Variants in EFCAB13 observed in about 807,000 individuals in gnomAD.
EFCAB13 encodes the protein EF-hand calcium-binding domain-containing protein 13.
Under a neutral mutation model 110.2 loss-of-function variants are expected in EFCAB13, and 91 were observed. That is an observed-to-expected ratio of 0.83 (90% confidence interval 0.70 to 0.98). The LOEUF is 0.98. Among genes scored for constraint, EFCAB13 ranks in the 50% least tolerant of loss-of-function variants. The pLI is 0.00. For missense variants in EFCAB13, 968 were observed against 1,119.4 expected, an observed-to-expected ratio of 0.86 and a Z score of 1.93; for synonymous variants, 323 against 369.9, an observed-to-expected ratio of 0.87 and a Z score of 1.45.
rs114996553 is a variant in EFCAB13 at position 47,378,984 on chromosome 17, T to G, written c.1511-198T>G. On this transcript the variant is annotated intron_variant, in intron 13 of 24. Coordinates refer to ENST00000331493, the MANE Select transcript of EFCAB13 (RefSeq NM_152347.5). ...GTATTCTCGGTGCCTAGCATGGTTCTTGGCACTAATATGCTCTCAATAATT... is the reference window on the plus strand; with the variant it reads ...GTATTCTCGGTGCCTAGCATGGTTCGTGGCACTAATATGCTCTCAATAATT... Among the ~76,000 whole-genome samples the G allele has an allele frequency of 6.4e-3, 981 of 152,308 alleles. 9 individuals are homozygous for G. Among genetic ancestry groups the G allele is most frequent in the African/African-American group, 0.019 (808 of 41,568 alleles).
intron 15 of EFCAB13, among the ~76,000 whole-genome samples, chr17:47,393,286 T>C (rs2143415495): frequency 6.6e-6 from 1 of 152,288 alleles, no homozygotes; most frequent in South Asian, 2.1e-4. Context: ...GTAAATATGG[T>C]GAAAGTGGTA....
intron 9 of EFCAB13, among the ~76,000 whole-genome samples, chr17:47,350,121 T>G (rs2065441414): frequency 6.6e-6 from 1 of 152,122 alleles, no homozygotes. Flanking sequence ...AAAGACTTCT[T>G]CAAAAGTATA....
intron 9 of EFCAB13, among the ~76,000 whole-genome samples, chr17:47,354,763 T>G (rs1390650120): frequency 6.6e-6 from 1 of 152,166 alleles, no homozygotes; most frequent in Non-Finnish European, 1.5e-5. Context: ...AGTGAGTCCT[T>G]AAGTGTCAAG....
chr17:47,348,022 A>G, intron 9 of EFCAB13, 71 bp downstream of exon 9: 3 of 1,206,940 alleles, frequency 2.5e-6, no homozygotes, highest in Non-Finnish European at 3.2e-6. Context: ...TTAATTACAA[A>G]TGATAGGAAA....
At chr17:47,334,897 A>G (rs2065340376) in intron 4 of EFCAB13, among the ~76,000 whole-genome samples, 1 of 152,210 alleles carries the variant, frequency 6.6e-6, no homozygotes, top group Non-Finnish European at 1.5e-5. Context: ...CTAGGCAACA[A>G]AAAGAGACCC....
At chr17:47,349,509 AT>A (rs1408931907) in intron 9 of EFCAB13, among the ~76,000 whole-genome samples, 1 of 152,014 alleles carries the variant, frequency 6.6e-6, no homozygotes, top group African/African-American at 2.4e-5. Context: ...CAATATGTAA[AT>A]TTTTTTCTGG....
intron 2 of EFCAB13, among the ~76,000 whole-genome samples, chr17:47,325,924 AT>A (rs1410551104): frequency 0.013 from 26 of 1,994 alleles, no homozygotes; most frequent in African/African-American, 0.016. Flanking sequence ...TATAAACAAA[AT>A]ATATATATAT....
intron 20 of EFCAB13, among the ~76,000 whole-genome samples, chr17:47,408,714 A>G (rs761775578): frequency 4.6e-5 from 7 of 152,070 alleles, no homozygotes; most frequent in Non-Finnish European, 8.8e-5. Flanking sequence ...CCCACCTCAC[A>G]CCAGAGAATA....
chr17:47,379,130 C>T (rs1307043970), intron 13 of EFCAB13, 52 bp from the exon 14 acceptor site: 1 of 1,403,240 alleles, frequency 7.1e-7, no homozygotes, highest in Non-Finnish European at 1.0e-6. Context: ...GTAAATTTGC[C>T]TTTATGCAAA....
In EFCAB13 at chr17:47,328,398, C is replaced by T. The variant is rs896970559; in HGVS notation, c.30+15C>T. The T allele has an allele frequency of 6.4e-7, 1 of 1,551,428 alleles. No individual in the cohort carries two copies. The highest frequency in any genetic ancestry group is 8.7e-7 in the Non-Finnish European group (1 of 1,144,806). Reference sequence around the variant, plus strand: ...TATTCTGCCAGGTATTTATTTAAAACAGTTTCTAAAGATTTCTTCTTTCTT... The same window carrying T: ...TATTCTGCCAGGTATTTATTTAAAATAGTTTCTAAAGATTTCTTCTTTCTT... On this transcript the variant is annotated intron_variant, in intron 4 of 24. Transcript: ENST00000331493.
rs527966723 is a variant in EFCAB13 at position 47,403,876 on chromosome 17, A to C, written c.2018-2A>C. 6.3e-7 allele frequency: 1 copy of C among 1,586,276 alleles called. No homozygotes were observed. Among genetic ancestry groups the C allele is most frequent in the East Asian group, 2.2e-5 (1 of 44,482 alleles). ...ATTAATTAACTTTTTTTCTATTTAT[A>C]GAGTTACAGGAAGTTGTCTTAGCTG... is the stretch of plus-strand genomic sequence containing the variant. On this transcript the variant is annotated splice_acceptor_variant, in intron 18 of 24. Coordinates refer to ENST00000331493, the MANE Select transcript of EFCAB13 (RefSeq NM_152347.5). LOFTEE classifies it high-confidence loss of function.
At chr17:47,417,767 C>T (rs377411378) in intron 23 of EFCAB13, among the ~76,000 whole-genome samples, 1 of 152,180 alleles carries the variant, frequency 6.6e-6, no homozygotes, top group Non-Finnish European at 1.5e-5. Flanking sequence ...TGCACAACAT[C>T]TGGACACAGC....
At chr17:47,407,283 G>A (rs1269544882) in intron 20 of EFCAB13, among the ~76,000 whole-genome samples, 1 of 152,146 alleles carries the variant, frequency 6.6e-6, no homozygotes, top group Non-Finnish European at 1.5e-5. Context: ...AAAGAAAAGG[G>A]TTATTTTTAA....
At chr17:47,368,140 TA>T (rs944258698) in intron 10 of EFCAB13, among the ~76,000 whole-genome samples, 1 of 151,990 alleles carries the variant, frequency 6.6e-6, no homozygotes, top group Admixed American at 6.6e-5. Context: ...TACTTTGGTT[TA>T]AAAAAAATAG....
chr17:47,326,827 T>G (rs1196954987), intron 3 of EFCAB13, among the ~76,000 whole-genome samples: 1 of 152,198 alleles, frequency 6.6e-6, no homozygotes, highest in Non-Finnish European at 1.5e-5. Flanking sequence ...TTTAACATAT[T>G]TTGAATTCCA....
intron 18 of EFCAB13, 150 bp from the exon 19 acceptor site, chr17:47,403,728 C>A: frequency 1.6e-6 from 1 of 607,232 alleles, no homozygotes; most frequent in Non-Finnish European, 2.5e-6. Flanking sequence ...CATTGTGCTG[C>A]TGGCCATAGA....
intron 23 of EFCAB13, among the ~76,000 whole-genome samples, chr17:47,420,482 C>T (rs1208227280): frequency 7.3e-6 from 1 of 136,138 alleles, no homozygotes; most frequent in African/African-American, 2.7e-5. Context: ...GCCCGGCCGC[C>T]ATCCCATCTA....
chr17:47,337,968 G>A (rs926696083), intron 5 of EFCAB13, among the ~76,000 whole-genome samples: 4 of 152,200 alleles, frequency 2.6e-5, no homozygotes, highest in African/African-American at 9.6e-5. Context: ...GGGGATGTGA[G>A]ACAGTGACTC....
At chr17:47,415,658 C>G (rs1345550385) in intron 23 of EFCAB13, among the ~76,000 whole-genome samples, 2 of 152,098 alleles carry the variant, frequency 1.3e-5, no homozygotes, top group Admixed American at 1.3e-4. Flanking sequence ...GATGAGGGAC[C>G]ACCAGTTTTT....
Sources: gnomAD v4.1 joint callset for allele counts (sites outside exome capture counted in the v4.1 genomes callset) on GRCh38, gnomAD v4.1.1 for gene constraint, MANE v1.5 for transcripts, NCBI Gene and HGNC (gene_info 2026-07-23, HGNC 2026-07-21) for gene names.